GTF2F2: variants seen among roughly 807,000 people sequenced by gnomAD.
GTF2F2 encodes the protein ATP-dependent helicase GTF2F2.
Under a neutral mutation model 42.2 loss-of-function variants are expected in GTF2F2, and 23 were observed. The ratio of observed to expected loss-of-function variants is 0.55; its 90% CI spans 0.39 to 0.77. The LOEUF (loss-of-function observed/expected upper bound fraction) is 0.77, where lower values mean the gene tolerates loss of function less well. Among genes scored for constraint, GTF2F2 ranks in the 30% least tolerant of loss-of-function variants. The pLI, the probability that GTF2F2 is intolerant of heterozygous loss-of-function variation, is 0.00. For synonymous variants in GTF2F2, 105 were observed against 100.8 expected (o/e 1.04, Z -0.25); for missense variants, 261 against 287.2 (o/e 0.91, Z 0.66).
At chr13:45,124,112 A>C in intron 1 of GTF2F2, 1 of 743,466 alleles carries the variant, frequency 1.3e-6, no homozygotes, top group Non-Finnish European at 2.4e-6. Context: ...GTGGTCGTTG[A>C]GGGCAATGCC....
chr13:45,267,336 A>G lies in GTF2F2; in HGVS notation c.590A>G (p.Tyr197Cys). Residue 197 changes from tyrosine to cysteine, a missense_variant, in exon 7 of 8, where the codon TAT (tyrosine) becomes TGT (cysteine). By Grantham distance (194) the Tyr-to-Cys change is radical. Transcript: ENST00000340473. ...TCAGCCTTTGAGAAACATCAATACT[A>G]TAATCTTAAGGACTTGGTGGACATC... is the stretch of plus-strand genomic sequence containing the variant. The part of the protein sequence containing the change: ...LFSAFEKHQY[Y>C]NLKDLVDITK... 1.9e-6 allele frequency: 3 copies of G among 1,610,884 alleles called. No individual in the cohort carries two copies. The highest frequency in any genetic ancestry group is 1.3e-5 in the African/African-American group (1 of 74,904).
intron 2 of GTF2F2, among the ~76,000 whole-genome samples, chr13:45,141,398 G>GCACCC (rs1869918334): frequency 6.6e-6 from 1 of 152,122 alleles, no homozygotes. Flanking sequence ...AATCCACATA[G>GCACCC]GGTGGCTAAA....
chr13:45,181,331 G>GA (rs1593475494), intron 4 of GTF2F2, among the ~76,000 whole-genome samples: 1 of 152,100 alleles, frequency 6.6e-6, no homozygotes, highest in African/African-American at 2.4e-5. Context: ...GTGGCACCTT[G>GA]AAATATATTT....
chr13:45,169,805 A>AT (rs962064770), intron 4 of GTF2F2, among the ~76,000 whole-genome samples: 1 of 151,934 alleles, frequency 6.6e-6, no homozygotes, highest in Non-Finnish European at 1.5e-5. Context: ...TTCTAGACTA[A>AT]TTTTTTTTAC....
At chr13:45,221,204 C>T (rs1164451057) in intron 5 of GTF2F2, among the ~76,000 whole-genome samples, 1 of 152,110 alleles carries the variant, frequency 6.6e-6, no homozygotes, top group East Asian at 1.9e-4. Flanking sequence ...TACGCAGTTT[C>T]TCAGGTAAAA....
chr13:45,182,095 T>C (rs1316423420), intron 4 of GTF2F2, among the ~76,000 whole-genome samples: 3 of 152,110 alleles, frequency 2.0e-5, no homozygotes, highest in Non-Finnish European at 4.4e-5. Flanking sequence ...AATTTGACCA[T>C]GTCTCTCTTC....
At chr13:45,213,762 A>G (rs927769378) in intron 5 of GTF2F2, among the ~76,000 whole-genome samples, 2 of 152,066 alleles carry the variant, frequency 1.3e-5, no homozygotes, top group African/African-American at 4.8e-5. Context: ...AATCATCAGC[A>G]TTCAGCTTCT....
chr13:45,187,644 A>C (rs187549650), intron 4 of GTF2F2, among the ~76,000 whole-genome samples: 5 of 152,378 alleles, frequency 3.3e-5, no homozygotes, highest in Non-Finnish European at 7.3e-5. Context: ...TTGTAATATT[A>C]TCTTAAGCAA....
chr13:45,235,400 TTCA>T lies in GTF2F2; in HGVS notation c.387-17466_387-17464del, dbSNP rs554080165. ...TTTTCTGACAAGTAATGCATTATAG[TTCA>T]TCATTTTGGCACAGGATAGGCTTGA... On this transcript the variant is annotated intron_variant, in intron 5 of 7. Transcript: ENST00000340473. Among the ~76,000 whole-genome samples, 27 of 152,176 alleles carry T rather than the reference TTCA, an allele frequency of 1.8e-4. No individual in the cohort carries two copies. The East Asian group carries it at 5.0e-3, about 28-fold the overall frequency.
At position 45,181,995 on chromosome 13, in the gene GTF2F2, G is replaced by T. The variant is rs184226109; in HGVS notation, c.305-25429G>T. ...CTAGCTCCTTAGGTAACAAATGGCC[G>T]CCCTGCTGGCTGAAGCTTTAGACTC... On this transcript the variant is annotated intron_variant, in intron 4 of 7. Coordinates refer to ENST00000340473, the MANE Select transcript of GTF2F2 (RefSeq NM_004128.3). Among the ~76,000 whole-genome samples, 240 of 152,166 alleles carry T rather than the reference G, an allele frequency of 1.6e-3. 2 individuals carry two copies. The highest frequency in any genetic ancestry group is 0.013 in the Admixed American group (193 of 15,290).
chr13:45,219,309 A>G (rs1874016849), intron 5 of GTF2F2: 1 of 152,220 alleles, frequency 6.6e-6, no homozygotes, highest in Non-Finnish European at 1.5e-5. Context: ...ATCAGCTGAC[A>G]AGCTACCTCT....
At chr13:45,135,691 G>A (rs764562415) in intron 1 of GTF2F2, among the ~76,000 whole-genome samples, 3 of 152,102 alleles carry the variant, frequency 2.0e-5, no homozygotes, top group Admixed American at 6.5e-5. Context: ...TGGTCAAGTC[G>A]TGTTTTTTTG....
At chr13:45,278,161 A>G (rs1877109934) in intron 7 of GTF2F2, among the ~76,000 whole-genome samples, 1 of 152,186 alleles carries the variant, frequency 6.6e-6, no homozygotes, top group African/African-American at 2.4e-5. Flanking sequence ...GGAAGGAAGG[A>G]GCAAAAGACT....
At chr13:45,186,538 G>A (rs538989903) in intron 4 of GTF2F2, among the ~76,000 whole-genome samples, 41 of 151,680 alleles carry the variant, frequency 2.7e-4, no homozygotes, top group African/African-American at 4.4e-4. Flanking sequence ...TGATTCACCC[G>A]CCTCAGCCTC....
chr13:45,173,919 CTT>C (rs991839288), intron 4 of GTF2F2, among the ~76,000 whole-genome samples: 1 of 152,094 alleles, frequency 6.6e-6, no homozygotes, highest in African/African-American at 2.4e-5. Flanking sequence ...GCCCGGCCAA[CTT>C]TGTCACTTTT....
At chr13:45,127,492 A>ATTT (rs34519885) in intron 1 of GTF2F2, among the ~76,000 whole-genome samples, 2 of 137,464 alleles carry the variant, frequency 1.5e-5, no homozygotes, top group African/African-American at 2.7e-5. Flanking sequence ...CGCCCAACTA[A>ATTT]TTTTTTTTTT....
At chr13:45,260,871 A>T (rs982971195) in intron 6 of GTF2F2, among the ~76,000 whole-genome samples, 4 of 152,118 alleles carry the variant, frequency 2.6e-5, no homozygotes, top group Non-Finnish European at 4.4e-5. Context: ...TCTTCAAAAA[A>T]ATTTTAAAAA....
chr13:45,189,465 G>T (rs1159856589), intron 4 of GTF2F2, among the ~76,000 whole-genome samples: 1 of 152,186 alleles, frequency 6.6e-6, no homozygotes, highest in Admixed American at 6.5e-5. Context: ...CTAGATCCTT[G>T]AGGAATCACC....
intron 5 of GTF2F2, among the ~76,000 whole-genome samples, chr13:45,233,238 T>G (rs1052966083): frequency 6.6e-6 from 1 of 151,932 alleles, no homozygotes; most frequent in African/African-American, 2.4e-5. Context: ...GGCAGCATCG[T>G]GAGACCCCAT....
Sources: gnomAD v4.1 joint callset for allele counts (sites outside exome capture counted in the v4.1 genomes callset) on GRCh38, gnomAD v4.1.1 for gene constraint, MANE v1.5 for transcripts, NCBI Gene and HGNC (gene_info 2026-07-23, HGNC 2026-07-21) for gene names.